The following EPHB4 variants were observed in gnomAD, a reference collection of about 807,000 sequenced individuals.
EPHB4 encodes the protein EPH receptor B4.
Under a neutral mutation model 110.6 loss-of-function variants are expected in EPHB4, and 50 were observed. That is an observed-to-expected ratio of 0.45 (90% confidence interval 0.36 to 0.57). EPHB4 has a LOEUF of 0.57. EPHB4 is among the 20% of genes least tolerant of loss of function. EPHB4 has a pLI of 0.00. For synonymous variants in EPHB4, 592 were observed against 578.4 expected (o/e 1.02, Z -0.34); for missense variants, 1,128 against 1,382.1 (o/e 0.82, Z 2.91).
In EPHB4 at chr7:100,822,825, A is replaced by G. The variant is rs1813270908; in HGVS notation, c.412-158T>C. 6.6e-5 allele frequency among the ~76,000 whole-genome samples: 10 copies of G among 151,924 alleles called. No individual in the cohort carries two copies. Among genetic ancestry groups the G allele is most frequent in the Admixed American group, 5.2e-4 (8 of 15,262 alleles). On this transcript the variant is annotated intron_variant, in intron 3 of 16. Transcript: ENST00000358173. This position sits in a 1 kb window ranked among gnomAD's most constrained non-coding sequence, Gnocchi z 4.7. ...GGGCACACTTTCTGCAGGCCCCCAC[A>G]CTGTCCATTCAGCCTTGCAAAGCTC...
chr7:100,825,389 TC>T (rs1387403464), intron 1 of EPHB4: 3 of 152,132 alleles, frequency 2.0e-5, no homozygotes, highest in African/African-American at 7.2e-5. Flanking sequence ...CCTCCATTGT[TC>T]CAGCCGGGAT....
chr7:100,805,727 T>G (rs749336179), intron 14 of EPHB4, 33 bp from the exon 15 acceptor site: 1 of 1,404,712 alleles, frequency 7.1e-7, no homozygotes, highest in African/African-American at 1.5e-5. Flanking sequence ...TGGGTGAGGC[T>G]GTCCAGGAAA....
intron 3 of EPHB4, among the ~76,000 whole-genome samples, chr7:100,823,052 G>A (rs140412892): frequency 2.1e-3 from 315 of 152,302 alleles, no homozygotes; most frequent in African/African-American, 7.1e-3. Flanking sequence ...TTAGGAGGCC[G>A]AGGTGGGAGA....
chr7:100,823,556 G>GC, intron 3 of EPHB4, 88 bp downstream of exon 3: 2 of 1,527,814 alleles, frequency 1.3e-6, no homozygotes, highest in Non-Finnish European at 1.8e-6. Context: ...CAGAGGCCTC[G>GC]CAACTACATC....
chr7:100,812,568 G>A (rs1037722274), intron 12 of EPHB4, among the ~76,000 whole-genome samples, 179 bp downstream of exon 12: 3 of 152,128 alleles, frequency 2.0e-5, no homozygotes, highest in Non-Finnish European at 2.9e-5. Flanking sequence ...CAGCCTGGGC[G>A]ACAGAGCGAG....
At position 100,812,814 on chromosome 7, in the gene EPHB4, G is replaced by C. The variant is rs757614258; in HGVS notation, c.2051C>G (p.Thr684Ser). Residue 684 changes from threonine (T) to serine (S), a missense_variant, in exon 12 of 17, where the codon ACC becomes AGC. Transcript: ENST00000358173. ...PNIIRLEGVV[T>S]NSMPVMILTE... ...GAGAATCATGACGGGCATGCTGTTG[G>C]TGACCACGCCCTCCAGGCGGATGAT... The C allele has an allele frequency of 1.2e-6, 2 of 1,614,204 alleles. No homozygotes were observed. The highest frequency in any genetic ancestry group is 2.2e-5 in the South Asian group (2 of 91,088).
At chr7:100,814,390 G>A (rs1373569481) in intron 8 of EPHB4, among the ~76,000 whole-genome samples, 1 of 152,148 alleles carries the variant, frequency 6.6e-6, no homozygotes, top group Non-Finnish European at 1.5e-5. Flanking sequence ...CGATTCTCCT[G>A]CCTCAGCCTC....
chr7:100,823,964 G>C (rs1046223718), intron 2 of EPHB4, 33 bp from the exon 3 acceptor site: 1 of 1,546,714 alleles, frequency 6.5e-7, no homozygotes, highest in Non-Finnish European at 8.7e-7. Context: ...AAGGGGGCTG[G>C]GGAGCCGCCA....
intron 8 of EPHB4, among the ~76,000 whole-genome samples, chr7:100,815,061 G>A (rs1278375621): frequency 6.6e-6 from 1 of 151,808 alleles, no homozygotes; most frequent in Non-Finnish European, 1.5e-5. Context: ...GCTCATGCCT[G>A]TAATCACAGC....
rs221005 is a variant in EPHB4, at chr7:100,803,811, A to G, written c.2835-221T>C. On this transcript the variant is annotated intron_variant, in intron 16 of 16. Coordinates refer to ENST00000358173, the MANE Select transcript of EPHB4 (RefSeq NM_004444.5). The stretch of plus-strand genomic sequence containing the variant: ...GGGGGTAGGGCTGGAGGCCAGAGGC[A>G]GGGCCTTTGGCTTGGGTGCCAGGGA... Among the ~76,000 whole-genome samples the G allele has an allele frequency of 0.25, 38,469 of 152,006 alleles. 5,061 individuals carry two copies. Among genetic ancestry groups the G allele is most frequent in the Middle Eastern group, 0.37 (108 of 292 alleles).
At chr7:100,819,384 A>C (rs1441732971) in intron 6 of EPHB4, among the ~76,000 whole-genome samples, 173 bp downstream of exon 6, 1 of 152,166 alleles carries the variant, frequency 6.6e-6, no homozygotes, top group African/African-American at 2.4e-5. Flanking sequence ...TGCTGGGATT[A>C]CAGGCGTGAG....
intron 1 of EPHB4, chr7:100,824,806 C>G (rs1584667916): frequency 6.4e-6 from 1 of 155,870 alleles, no homozygotes; most frequent in Non-Finnish European, 1.4e-5. Flanking sequence ...AGCCCTGGCC[C>G]CCATCCCAGT....
chr7:100,817,376 G>T lies in EPHB4; in HGVS notation c.1423-19C>A, dbSNP rs1464027043. The stretch of plus-strand genomic sequence containing the variant: ...CGGCGCCCTGTCCGGGAGAGGTAGT[G>T]GGGTGGCCGTCACCCGGGAACCCAA... On this transcript the variant is annotated intron_variant, in intron 7 of 16. Transcript: ENST00000358173. 2.6e-6 allele frequency: 4 copies of T among 1,535,186 alleles called. No individual in the cohort carries two copies. Among genetic ancestry groups the T allele is most frequent in the East Asian group, 5.0e-5 (2 of 40,240 alleles).
chr7:100,826,955 G>GCCC lies in EPHB4; in HGVS notation c.52+21_52+23dup, dbSNP rs141919245. Reference sequence around the variant, plus strand: ...GGAGGTCCCAGGAGTGACGGGGTGCGCCCCCCCCCGCAAGGAAACTCACCT... The same window carrying GCCC: ...GGAGGTCCCAGGAGTGACGGGGTGCGCCCCCCCCCCCCGCAAGGAAACTCACCT... On this transcript the variant is annotated intron_variant, in intron 1 of 16. Transcript: ENST00000358173. 155 of 1,485,698 alleles carry GCCC rather than the reference G, an allele frequency of 1.0e-4. 2 individuals carry two copies. The African/African-American group carries it at 1.4e-3, about 14-fold the overall frequency. 92.0% of individuals were successfully genotyped at this position (1,485,698 alleles called of 1,614,324 possible).
chr7:100,824,334 A>C, intron 1 of EPHB4, 61 bp from the exon 2 acceptor site: 1 of 1,575,352 alleles, frequency 6.3e-7, no homozygotes, highest in Admixed American at 1.7e-5. Context: ...CAGGAAGACC[A>C]GATCCCTGGG....
chr7:100,814,856 AAAT>A (rs896881797), intron 8 of EPHB4, among the ~76,000 whole-genome samples: 138 of 151,850 alleles, frequency 9.1e-4, no homozygotes, highest in African/African-American at 3.2e-3. Context: ...CTCTATCAAA[AAAT>A]AATAATAATT....
chr7:100,822,143 G>A lies in EPHB4; in HGVS notation c.808+128C>T. The A allele has an allele frequency of 7.5e-7, 1 of 1,327,766 alleles. No individual in the cohort carries two copies. Among genetic ancestry groups the A allele is most frequent in the African/African-American group, 1.5e-5 (1 of 67,786 alleles). 82.2% of individuals were successfully genotyped at this position (1,327,766 alleles called of 1,614,324 possible). On this transcript the variant is annotated intron_variant, in intron 4 of 16. Transcript: ENST00000358173. The surrounding 1 kb of genome is among the most constrained non-coding windows in gnomAD (Gnocchi z 4.7). Reference sequence around the variant, plus strand: ...GATTGTGCCACTGCACTCCAGCCTGGGTGACAGAGCAAGCCTCCATTTCAA... The same window carrying A: ...GATTGTGCCACTGCACTCCAGCCTGAGTGACAGAGCAAGCCTCCATTTCAA...
chr7:100,812,539 A>G (rs1812959804), intron 12 of EPHB4, among the ~76,000 whole-genome samples: 1 of 152,160 alleles, frequency 6.6e-6, no homozygotes, highest in Non-Finnish European at 1.5e-5. Context: ...CAATGAGCCG[A>G]GATCGCGCCA....
At chr7:100,812,142 G>A (rs1361151192) in intron 12 of EPHB4, among the ~76,000 whole-genome samples, 6 of 150,288 alleles carry the variant, frequency 4.0e-5, no homozygotes, top group Non-Finnish European at 7.4e-5. Flanking sequence ...ATTGCACTCC[G>A]GCCTGGGCAA....
Sources: allele counts gnomAD v4.1 joint callset (sites outside exome capture counted in the v4.1 genomes callset), GRCh38; gene constraint gnomAD v4.1.1; non-coding constraint Gnocchi (gnomAD v3.1); transcripts MANE v1.5; gene names NCBI Gene and HGNC (gene_info 2026-07-23, HGNC 2026-07-21).